The following PPP1R42 variants were observed in gnomAD, a reference collection of about 807,000 sequenced individuals.
PPP1R42 encodes leucine rich repeat containing 67.
A neutral mutation model predicts 31.0 loss-of-function variants in PPP1R42; 34 were observed. The observed-to-expected ratio is 1.10, with a 90% CI of 0.83 to 1.46. The LOEUF (loss-of-function observed/expected upper bound fraction) is 1.46, where lower values mean the gene tolerates loss of function less well. Ranked by LOEUF, PPP1R42 falls within the 40% of genes most tolerant of loss-of-function variation. The pLI is 0.00. For synonymous variants in PPP1R42, 103 were observed against 109.8 expected, an observed-to-expected ratio of 0.94 and a Z score of 0.39; for missense variants, 268 against 303.0, an observed-to-expected ratio of 0.88 and a Z score of 0.86.
chr8:66,985,494 C>A, intron 6 of PPP1R42: 1 of 1,111,662 alleles, frequency 9.0e-7, no homozygotes. Flanking sequence ...CTTTTAACTC[C>A]CCCTTTGGGG....
At chr8:67,006,871 C>G (rs1585671653) in intron 5 of PPP1R42, among the ~76,000 whole-genome samples, 1 of 151,472 alleles carries the variant, frequency 6.6e-6, no homozygotes, top group Non-Finnish European at 1.5e-5. Context: ...CTCAGCCTCC[C>G]GAGTAGCTGG....
chr8:67,007,433 G>A lies in PPP1R42; in HGVS notation c.552+3282C>T, dbSNP rs191492338. ...GCTGGAGTGCAGTGGCACAATCCTG[G>A]CTTCCTGCAACCTCTGGCTCTGGGT... On this transcript the variant is annotated intron_variant, in intron 5 of 7. Coordinates refer to ENST00000685739, the MANE Select transcript of PPP1R42 (RefSeq NM_001364910.1). 4.4e-3 allele frequency among the ~76,000 whole-genome samples: 664 copies of A among 151,748 alleles called. 4 individuals are homozygous for A. The highest frequency in any genetic ancestry group is 0.015 in the African/African-American group (630 of 41,366).
chr8:67,024,417 A>G (rs1295423488), intron 1 of PPP1R42, among the ~76,000 whole-genome samples: 1 of 151,648 alleles, frequency 6.6e-6, no homozygotes, highest in Non-Finnish European at 1.5e-5. Flanking sequence ...GGCTCAAGCA[A>G]TCCTCCCACC....
intron 6 of PPP1R42, chr8:66,984,284 A>G: frequency 4.4e-6 from 6 of 1,375,284 alleles, no homozygotes; most frequent in Non-Finnish European, 6.2e-6. Flanking sequence ...GTACCCTCCC[A>G]GAATAGTACA....
chr8:66,976,613 T>C (rs974797145), intron 7 of PPP1R42, among the ~76,000 whole-genome samples: 2 of 147,128 alleles, frequency 1.4e-5, no homozygotes, highest in Non-Finnish European at 3.0e-5. Context: ...ACTTTTTGGT[T>C]TTTTTTTTTT....
At chr8:66,996,957 G>A (rs1236657085) in intron 5 of PPP1R42, among the ~76,000 whole-genome samples, 1 of 152,160 alleles carries the variant, frequency 6.6e-6, no homozygotes, top group African/African-American at 2.4e-5. Flanking sequence ...TTCAAGAAAA[G>A]CCTGGCCAAC....
intron 1 of PPP1R42, among the ~76,000 whole-genome samples, chr8:67,020,700 C>T (rs1816187571): frequency 6.6e-6 from 1 of 152,182 alleles, no homozygotes; most frequent in Non-Finnish European, 1.5e-5. Context: ...GGTCAATAAA[C>T]ATTTGCTATC....
intron 7 of PPP1R42, 107 bp downstream of exon 7, chr8:66,981,942 C>T: frequency 2.6e-6 from 3 of 1,171,056 alleles, no homozygotes; most frequent in Non-Finnish European, 3.2e-6. Context: ...AAAACAACAA[C>T]AACAAAAAAC....
intron 5 of PPP1R42, among the ~76,000 whole-genome samples, chr8:67,004,883 C>CA (rs1378317059): frequency 1.7e-4 from 26 of 152,262 alleles, no homozygotes; most frequent in African/African-American, 6.3e-4. Context: ...ACTGGGCAGG[C>CA]AGCTGGCATT....
intron 5 of PPP1R42, among the ~76,000 whole-genome samples, chr8:67,000,454 T>C (rs891396730): frequency 6.6e-6 from 1 of 152,186 alleles, no homozygotes; most frequent in Non-Finnish European, 1.5e-5. Context: ...TTCATATGGA[T>C]TATGTTGATA....
chr8:66,980,109 A>G (rs563040528), intron 7 of PPP1R42, among the ~76,000 whole-genome samples: 24 of 152,320 alleles, frequency 1.6e-4, no homozygotes, highest in Admixed American at 4.6e-4. Context: ...ATACCTTCTG[A>G]CTATTTTAGA....
chr8:67,016,392 T>C (rs908408690), intron 2 of PPP1R42, among the ~76,000 whole-genome samples: 2 of 152,234 alleles, frequency 1.3e-5, no homozygotes, highest in Admixed American at 6.5e-5. Context: ...TAGCATTTAC[T>C]GTAGACAACA....
intron 2 of PPP1R42, 91 bp downstream of exon 2, chr8:67,017,528 T>C (rs1816052736): frequency 3.1e-6 from 2 of 655,124 alleles, no homozygotes; most frequent in Middle Eastern, 4.6e-4. Context: ...ATAATGAAAA[T>C]ATAGTTAAAA....
intron 6 of PPP1R42, chr8:66,985,414 A>G (rs772002853): frequency 4.1e-5 from 31 of 762,952 alleles, no homozygotes; most frequent in Admixed American, 9.9e-5. Context: ...TGTCAGCTCA[A>G]TCTCCTTGCC....
intron 1 of PPP1R42, among the ~76,000 whole-genome samples, chr8:67,021,667 T>C (rs1816221957): frequency 6.6e-6 from 1 of 152,110 alleles, no homozygotes; most frequent in African/African-American, 2.4e-5. Context: ...CCTCTATACC[T>C]TTCTTCCTCT....
In PPP1R42 at chr8:66,982,044, C is replaced by T. The variant is rs1356186112; in HGVS notation, c.802+5G>A. 4 of 1,420,906 alleles carry T rather than the reference C, an allele frequency of 2.8e-6. No homozygotes were observed. The highest frequency in any genetic ancestry group is 3.6e-6 in the Non-Finnish European group (4 of 1,096,776). 88.0% of individuals were successfully genotyped at this position (1,420,906 alleles called of 1,614,324 possible). A position where few individuals can be genotyped will look rare whatever the true frequency, so the allele number is the denominator to read the frequency against. The stretch of plus-strand genomic sequence containing the variant: ...CAGTCACCTAATGAGTGACAGAGTG[C>T]TTACTTATGAGTGAATTGCTTGCAT... On this transcript the variant is annotated splice_donor_5th_base_variant and intron_variant, in intron 7 of 7. Transcript: ENST00000685739.
intron 4 of PPP1R42, among the ~76,000 whole-genome samples, chr8:67,011,296 C>A (rs1316234698): frequency 2.0e-5 from 3 of 152,094 alleles, no homozygotes; most frequent in Non-Finnish European, 4.4e-5. Flanking sequence ...GGAGGTGAAG[C>A]GGGCGGATCA....
intron 5 of PPP1R42, among the ~76,000 whole-genome samples, chr8:66,990,628 A>G (rs531469140): frequency 2.0e-5 from 3 of 152,350 alleles, no homozygotes; most frequent in South Asian, 2.1e-4. Context: ...GCTGATGCCT[A>G]AGCTCCTTTC....
rs767131242 is a variant in PPP1R42, at chr8:67,014,446, T to C, written c.276A>G (p.Ser92=). The C allele has an allele frequency of 2.6e-6, 4 of 1,513,042 alleles. No homozygotes were observed. In the African/African-American group the frequency reaches 4.3e-5, roughly 16 times the overall value. The allele number at this position is 1,513,042 out of a possible 1,614,324, so 93.7% of individuals were successfully genotyped here. A position where few individuals can be genotyped will look rare whatever the true frequency, so the allele number is the denominator to read the frequency against. Residue 92 remains serine (S), a synonymous_variant, in exon 3 of 8, where the codon TCA becomes TCG. Transcript: ENST00000685739. ...NCISCIENLR[S]LKKLEKLYLG... is the part of the protein sequence containing the mutation. Reference sequence around the variant, plus strand: ...CTTACAGTTTTTCCAGTTTCTTTAATGACCTGAGGTTCTCTATACATGAAA... The same window carrying C: ...CTTACAGTTTTTCCAGTTTCTTTAACGACCTGAGGTTCTCTATACATGAAA...
Sources: gnomAD v4.1 joint callset for allele counts (sites outside exome capture counted in the v4.1 genomes callset) on GRCh38, gnomAD v4.1.1 for gene constraint, MANE v1.5 for transcripts, NCBI Gene and HGNC (gene_info 2026-07-23, HGNC 2026-07-21) for gene names.